Variants in TSHR observed in about 807,000 individuals in gnomAD.
TSHR encodes the protein thyroid stimulating hormone receptor.
TSHR carries 51 observed loss-of-function variants against 64.1 expected under a neutral mutation model. The observed-to-expected ratio is 0.80, with a 90% CI of 0.64 to 1.01. TSHR has a LOEUF of 1.01. Ranked by LOEUF, TSHR falls within the 50% of genes least tolerant of loss-of-function variation. TSHR has a pLI of 0.00. For synonymous variants in TSHR, 361 were observed against 361.9 expected, an observed-to-expected ratio of 1.00 and a Z score of 0.03; for missense variants, 877 against 942.8, an observed-to-expected ratio of 0.93 and a Z score of 0.91.
intron 1 of TSHR, among the ~76,000 whole-genome samples, chr14:81,002,781 C>CTTTTTTTTTTTTTTTTTTTTTTTTTTTCT (rs1174635270): frequency 2.3e-5 from 1 of 44,324 alleles, no homozygotes; most frequent in Non-Finnish European, 4.0e-5. Context: ...CCTAATGCCT[C>CTTTTTTTTTTTTTTTTTTTTTTTTTTTCT]TTTTTTTTTT....
At chr14:81,042,031 T>C (rs1229029409) in intron 1 of TSHR, among the ~76,000 whole-genome samples, 1 of 152,162 alleles carries the variant, frequency 6.6e-6, no homozygotes, top group African/African-American at 2.4e-5. Flanking sequence ...GGCCAACAGG[T>C]ATATGAAAAT....
At chr14:81,038,698 G>A (rs1480822687) in intron 1 of TSHR, among the ~76,000 whole-genome samples, 1 of 149,474 alleles carries the variant, frequency 6.7e-6, no homozygotes, top group Non-Finnish European at 1.5e-5. Context: ...AGACAATTAT[G>A]TTGTGCACAT....
intron 8 of TSHR, among the ~76,000 whole-genome samples, chr14:81,111,385 G>T (rs1022930578): frequency 7.9e-5 from 12 of 152,148 alleles, no homozygotes. Flanking sequence ...GATGATTAGC[G>T]TCTCCAAATC....
At chr14:80,961,341 A>T (rs1178973031) in intron 1 of TSHR, among the ~76,000 whole-genome samples, 4 of 152,252 alleles carry the variant, frequency 2.6e-5, no homozygotes, top group Non-Finnish European at 1.5e-5. Context: ...ACACAGAGTT[A>T]TAATTGTATA....
chr14:80,999,966 C>T (rs532986624), intron 1 of TSHR, among the ~76,000 whole-genome samples: 7 of 137,172 alleles, frequency 5.1e-5, no homozygotes, highest in Non-Finnish European at 9.1e-5. Context: ...GACTCTTGCT[C>T]TGTCACCCAG....
At chr14:81,041,880 G>C (rs1459321642) in intron 1 of TSHR, among the ~76,000 whole-genome samples, 1 of 152,102 alleles carries the variant, frequency 6.6e-6, no homozygotes, top group Non-Finnish European at 1.5e-5. Context: ...CTAGGTCTAT[G>C]TAAGTACATT....
intron 1 of TSHR, among the ~76,000 whole-genome samples, chr14:80,996,994 T>C (rs1889056869): frequency 6.6e-6 from 1 of 152,148 alleles, no homozygotes; most frequent in Non-Finnish European, 1.5e-5. Flanking sequence ...TTATTATTAC[T>C]ACTACTACTA....
intron 1 of TSHR, among the ~76,000 whole-genome samples, chr14:81,059,752 G>T (rs562040980): frequency 1.3e-5 from 2 of 152,016 alleles, no homozygotes; most frequent in Non-Finnish European, 2.9e-5. Context: ...GCTTTCTTTG[G>T]TAAAAAAAAT....
chr14:80,984,862 G>C (rs7160545), intron 1 of TSHR, among the ~76,000 whole-genome samples: 1 of 152,152 alleles, frequency 6.6e-6, no homozygotes, highest in African/African-American at 2.4e-5. Flanking sequence ...GAACTTGTTA[G>C]ATGTCCTTTG....
Position 81,144,052 on chromosome 14 carries a change from T to C in TSHR, c.1994T>C (p.Leu665Pro). ...TVSNSKILLV[L>P]FYPLNSCANP... ...AGCAACTCCAAAATCTTGCTGGTAC[T>C]CTTCTATCCACTTAACTCCTGTGCC... is the stretch of plus-strand genomic sequence containing the variant. The change falls in exon 10 of 10, where the codon CTC becomes CCC. Residue 665 changes from leucine (L) to proline (P), a missense_variant. Transcript: ENST00000298171. 6.2e-7 allele frequency: 1 copy of C among 1,614,202 alleles called. No homozygotes were observed. Among genetic ancestry groups the C allele is most frequent in the Non-Finnish European group, 8.5e-7 (1 of 1,180,052 alleles).
chr14:81,072,753 T>TAAAAGAAAACTGA (rs1555376875), intron 3 of TSHR, among the ~76,000 whole-genome samples: 2 of 149,646 alleles, frequency 1.3e-5, no homozygotes, highest in African/African-American at 5.1e-5. Flanking sequence ...AGTGAAAAGC[T>TAAAAGAAAACTGA]TTGGGAGGCC....
chr14:81,038,448 A>G (rs1431528899), intron 1 of TSHR, among the ~76,000 whole-genome samples: 1 of 151,612 alleles, frequency 6.6e-6, no homozygotes, highest in Non-Finnish European at 1.5e-5. Context: ...AAAAAAAAGA[A>G]CAAGCTAAAT....
chr14:80,987,329 T>C (rs545834996), intron 1 of TSHR, among the ~76,000 whole-genome samples: 2 of 152,330 alleles, frequency 1.3e-5, no homozygotes, highest in Non-Finnish European at 1.5e-5. Context: ...TCTGGCTCTT[T>C]CCTGATGTCT....
intron 1 of TSHR, among the ~76,000 whole-genome samples, chr14:81,038,218 A>G (rs535246401): frequency 2.9e-4 from 44 of 152,174 alleles, no homozygotes; most frequent in African/African-American, 9.9e-4. Flanking sequence ...ATTAAACAAC[A>G]TGCTCCTGGA....
chr14:81,139,694 C>T lies in TSHR; in HGVS notation c.708C>T (p.Thr236=). 6.2e-7 allele frequency: 1 copy of T among 1,614,160 alleles called. No individual in the cohort carries two copies. The highest frequency in any genetic ancestry group is 8.5e-7 in the Non-Finnish European group (1 of 1,180,024). The change falls in exon 9 of 10, where the codon ACC becomes ACT. Residue 236 remains threonine, a synonymous_variant. Coordinates refer to ENST00000298171, the MANE Select transcript of TSHR (RefSeq NM_000369.5). The part of the protein sequence containing the change: ...SGPSLLDVSQ[T]SVTALPSKGL... ...TGCCTCCCAGGGACGTGTCTCAAAC[C>T]AGTGTCACTGCCCTTCCATCCAAAG... is the stretch of plus-strand genomic sequence containing the variant.
chr14:81,034,193 G>A (rs1467220743), intron 1 of TSHR, among the ~76,000 whole-genome samples: 1 of 152,188 alleles, frequency 6.6e-6, no homozygotes, highest in African/African-American at 2.4e-5. Context: ...TCTAGCCTTG[G>A]TCATCCACCC....
chr14:81,036,955 C>A (rs1412994566), intron 1 of TSHR, among the ~76,000 whole-genome samples: 1 of 151,816 alleles, frequency 6.6e-6, no homozygotes, highest in African/African-American at 2.4e-5. Context: ...CCAGCCTGGC[C>A]AAAATGGTGA....
chr14:80,957,688 G>C (rs997725474), intron 1 of TSHR: 1 of 152,142 alleles, frequency 6.6e-6, no homozygotes, highest in African/African-American at 2.4e-5. Context: ...AGAAAGAAAG[G>C]GTAATGGAGA....
chr14:80,981,087 T>C (rs1238563728), intron 1 of TSHR, among the ~76,000 whole-genome samples: 1 of 152,244 alleles, frequency 6.6e-6, no homozygotes, highest in Non-Finnish European at 1.5e-5. Context: ...GGCTCTTTCA[T>C]GGTGAATTGT....
Sources: allele counts gnomAD v4.1 joint callset (sites outside exome capture counted in the v4.1 genomes callset), GRCh38; gene constraint gnomAD v4.1.1; transcripts MANE v1.5; gene names NCBI Gene and HGNC (gene_info 2026-07-23, HGNC 2026-07-21).